Variants in DMD observed in about 807,000 individuals in gnomAD.
DMD encodes the protein mutant dystrophin.
A neutral mutation model predicts 330.1 loss-of-function variants in DMD; 63 were observed. That is an observed-to-expected ratio of 0.19 (90% CI 0.16 to 0.24). DMD has a LOEUF of 0.24. DMD is among the 10% of genes least tolerant of loss of function. The pLI, the probability that DMD is intolerant of heterozygous loss-of-function variation, is 1.00. For missense variants in DMD, 3,344 were observed against 2,684.1 expected, an observed-to-expected ratio of 1.25 and a Z score of -5.43; for synonymous variants, 1,223 against 959.8, an observed-to-expected ratio of 1.27 and a Z score of -5.07.
chrX:32,891,457 A>G (rs1243294054), intron 2 of DMD, among the ~76,000 whole-genome samples: 1 of 112,470 alleles, frequency 8.9e-6, no homozygotes, highest in Non-Finnish European at 1.9e-5. Flanking sequence ...ATCTAAATTA[A>G]ATTTTCTAGT....
Position 31,890,360 on chromosome X carries a change from CA to C in DMD, c.6913-14988del, listed in dbSNP as rs57846708. Among the ~76,000 whole-genome samples the C allele has an allele frequency of 9.8e-3, 714 of 72,699 alleles. 2 individuals carry two copies. Among genetic ancestry groups the C allele is most frequent in the Middle Eastern group, 0.014 (2 of 143 alleles). The allele number at this position is 72,699 out of a possible 115,157, so 63.1% of individuals were successfully genotyped here. ...GATTGTTGTTTCAAAAAAAACAAAA[CA>C]AAAAAAAAAAGAAGAAGAAAGAAAG... is the stretch of plus-strand genomic sequence containing the variant. On this transcript the variant is annotated intron_variant, in intron 47 of 78. Coordinates refer to ENST00000357033, the MANE Select transcript of DMD (RefSeq NM_004006.3).
At position 32,705,079 on chromosome X, in the gene DMD, T is replaced by A. The variant is rs187263862; in HGVS notation, c.650-5786A>T. 8.6e-3 allele frequency among the ~76,000 whole-genome samples: 772 copies of A among 89,777 alleles called. 5 individuals carry two copies. The highest frequency in any genetic ancestry group is 0.011 in the Non-Finnish European group (586 of 53,146). The allele number at this position is 89,777 out of a possible 115,157, so 78.0% of individuals were successfully genotyped here. ...ATATTTTGTATTTGGCATTCAGCAC[T>A]GACTGCATTGTACATACATGTATTC... On this transcript the variant is annotated intron_variant, in intron 7 of 78. Coordinates refer to ENST00000357033, the MANE Select transcript of DMD (RefSeq NM_004006.3).
At chrX:31,447,770 G>A (rs1190854906) in intron 59 of DMD, among the ~76,000 whole-genome samples, 1 of 110,098 alleles carries the variant, frequency 9.1e-6, no homozygotes, top group Non-Finnish European at 1.9e-5. Flanking sequence ...AGGCTGAGGT[G>A]GGTGGATGGG....
chrX:33,312,467 C>G (rs747703575), intron 1 of DMD, among the ~76,000 whole-genome samples: 1 of 111,666 alleles, frequency 9.0e-6, no homozygotes, highest in South Asian at 3.7e-4. Flanking sequence ...AACCCAAATA[C>G]AGCTAAATAA....
At chrX:31,374,581 C>G (rs1346144568) in intron 60 of DMD, among the ~76,000 whole-genome samples, 1 of 100,155 alleles carries the variant, frequency 1.0e-5, no homozygotes, top group Non-Finnish European at 2.0e-5. Flanking sequence ...GACAAAAGAC[C>G]AAACACCGCA....
At chrX:32,386,145 T>C (rs1228430926) in intron 33 of DMD, among the ~76,000 whole-genome samples, 165 bp downstream of exon 33, 1 of 110,716 alleles carries the variant, frequency 9.0e-6, no homozygotes, top group Non-Finnish European at 1.9e-5. Context: ...TGTGTACATA[T>C]ATATATATAC....
At chrX:31,904,543 C>A (rs2053547256) in intron 47 of DMD, among the ~76,000 whole-genome samples, 1 of 111,653 alleles carries the variant, frequency 9.0e-6, no homozygotes, top group African/African-American at 3.3e-5. Context: ...CTGTCTCTTT[C>A]CCCCCTCCCC....
chrX:31,132,670 T>C (rs2034668080), intron 77 of DMD, among the ~76,000 whole-genome samples: 1 of 110,873 alleles, frequency 9.0e-6, no homozygotes, highest in South Asian at 3.9e-4. Flanking sequence ...GGCAAGGAAT[T>C]TGTCATTTCT....
intron 52 of DMD, among the ~76,000 whole-genome samples, chrX:31,710,111 G>A (rs2084518814): frequency 8.9e-6 from 1 of 111,776 alleles, no homozygotes; most frequent in African/African-American, 3.2e-5. Context: ...GAAGCAAGAT[G>A]TCCGGGAATG....
At chrX:32,757,667 T>G (rs1346930009) in intron 7 of DMD, among the ~76,000 whole-genome samples, 1 of 111,597 alleles carries the variant, frequency 9.0e-6, no homozygotes, top group African/African-American at 3.3e-5. Flanking sequence ...AAGATGTGAC[T>G]TTGCTGCTCA....
chrX:31,655,120 T>C (rs2080702988), intron 54 of DMD, among the ~76,000 whole-genome samples: 1 of 111,490 alleles, frequency 9.0e-6, no homozygotes, highest in Non-Finnish European at 1.9e-5. Context: ...GGTTGCAATT[T>C]TTTGAATTTT....
chrX:32,890,815 T>C (rs2085131891), intron 2 of DMD, among the ~76,000 whole-genome samples: 1 of 111,875 alleles, frequency 8.9e-6, no homozygotes, highest in African/African-American at 3.2e-5. Flanking sequence ...TTTTGCTTTA[T>C]TTTTGCTTCA....
intron 7 of DMD, among the ~76,000 whole-genome samples, chrX:32,715,426 G>A (rs1244647035): frequency 4.6e-5 from 4 of 87,671 alleles, no homozygotes; most frequent in African/African-American, 9.4e-5. Context: ...GCAGTGAGCC[G>A]AGATTGTGCC....
chrX:32,863,537 TACACAC>T (rs199774174), intron 2 of DMD, among the ~76,000 whole-genome samples: 10,976 of 78,124 alleles, frequency 0.14, 801 homozygotes, highest in Admixed American at 0.29. Flanking sequence ...ATTGTGTTTA[TACACAC>T]ACACACACAC....
intron 44 of DMD, among the ~76,000 whole-genome samples, chrX:32,202,920 C>G (rs964816471): frequency 8.9e-6 from 1 of 112,194 alleles, no homozygotes; most frequent in Non-Finnish European, 1.9e-5. Context: ...GTATCCTAAA[C>G]AAACTTAAAT....
intron 63 of DMD, among the ~76,000 whole-genome samples, chrX:31,233,813 C>T (rs1281212814): frequency 1.8e-5 from 2 of 112,146 alleles, no homozygotes; most frequent in South Asian, 3.7e-4. Flanking sequence ...TCCCAAAACT[C>T]CATTTCAATT....
At chrX:32,558,828 A>G (rs2050619006) in intron 16 of DMD, among the ~76,000 whole-genome samples, 1 of 111,405 alleles carries the variant, frequency 9.0e-6, no homozygotes, top group African/African-American at 3.3e-5. Context: ...TACAAGGTAA[A>G]ACCTATTGCA....
At chrX:32,377,039 T>C (rs2097906028) in intron 34 of DMD, among the ~76,000 whole-genome samples, 1 of 111,760 alleles carries the variant, frequency 8.9e-6, no homozygotes, top group South Asian at 3.7e-4. Flanking sequence ...ATTAGTAAAA[T>C]CTGTATTGTT....
chrX:33,330,557 G>A (rs1282786422), intron 1 of DMD, among the ~76,000 whole-genome samples: 1 of 111,802 alleles, frequency 8.9e-6, no homozygotes, highest in Non-Finnish European at 1.9e-5. Flanking sequence ...TCCAGGGATA[G>A]ACGTACATAA....
Sources: allele counts gnomAD v4.1 joint callset (sites outside exome capture counted in the v4.1 genomes callset), GRCh38; gene constraint gnomAD v4.1.1; transcripts MANE v1.5; gene names NCBI Gene and HGNC (gene_info 2026-07-23, HGNC 2026-07-21).